The following GABBR2 variants were observed in gnomAD, a reference collection of about 807,000 sequenced individuals.
GABBR2 encodes the protein gamma-aminobutyric acid type B receptor subunit 2.
Under a neutral mutation model 105.6 loss-of-function variants are expected in GABBR2, and 23 were observed. The ratio of observed to expected loss-of-function variants is 0.22; its 90% CI spans 0.16 to 0.31. The LOEUF (loss-of-function observed/expected upper bound fraction) is 0.31, where lower values mean the gene tolerates loss of function less well. Among genes scored for constraint, GABBR2 ranks in the 10% least tolerant of loss-of-function variants. GABBR2 has a pLI of 1.00. For synonymous variants in GABBR2, 478 were observed against 499.7 expected, an observed-to-expected ratio of 0.96 and a Z score of 0.58; for missense variants, 734 against 1,245.5, an observed-to-expected ratio of 0.59 and a Z score of 6.18.
intron 3 of GABBR2, among the ~76,000 whole-genome samples, chr9:98,528,572 C>T (rs1178793560): frequency 6.6e-6 from 1 of 151,924 alleles, no homozygotes; most frequent in Non-Finnish European, 1.5e-5. Flanking sequence ...TGACAAAAGG[C>T]TGATCTGATA....
At chr9:98,365,020 T>C (rs1476630262) in intron 12 of GABBR2, among the ~76,000 whole-genome samples, 6 of 152,212 alleles carry the variant, frequency 3.9e-5, no homozygotes, top group Non-Finnish European at 2.9e-5. Context: ...TCTGCATTTC[T>C]CATTTGTAAA....
chr9:98,703,482 A>T (rs893455865), intron 1 of GABBR2, among the ~76,000 whole-genome samples: 1 of 152,138 alleles, frequency 6.6e-6, no homozygotes, highest in African/African-American at 2.4e-5. Flanking sequence ...TCTTTTTAAA[A>T]TTTTTAAATT....
intron 7 of GABBR2, among the ~76,000 whole-genome samples, chr9:98,441,329 T>C (rs1826027684): frequency 6.6e-6 from 1 of 151,948 alleles, no homozygotes; most frequent in East Asian, 1.9e-4. Flanking sequence ...AAATAACCCA[T>C]TTAATAAAAA....
intron 7 of GABBR2, among the ~76,000 whole-genome samples, chr9:98,435,911 C>A (rs77594428): frequency 1.3e-5 from 2 of 152,002 alleles, no homozygotes; most frequent in Admixed American, 6.5e-5. Flanking sequence ...ACGTTATGGG[C>A]ACCCCTGTAA....
rs375005954 is a variant in GABBR2 at position 98,659,573 on chromosome 9, G to A, written c.321+48844C>T. Among the ~76,000 whole-genome samples, 36 of 127,292 alleles carry A rather than the reference G, an allele frequency of 2.8e-4. 2 individuals are homozygous for A. The South Asian group carries it at 8.5e-3, about 30-fold the overall frequency. 83.5% of individuals were successfully genotyped at this position (127,292 alleles called of 152,430 possible). ...GTCTTGCTCTATTGCCCAGGCTGGA[G>A]TGCAGTGGCACGATCTCAGCTCACT... On this transcript the variant is annotated intron_variant, in intron 1 of 18. Coordinates refer to ENST00000259455, the MANE Select transcript of GABBR2 (RefSeq NM_005458.8).
chr9:98,531,575 G>A (rs1388275195), intron 3 of GABBR2, among the ~76,000 whole-genome samples: 2 of 152,256 alleles, frequency 1.3e-5, no homozygotes, highest in Non-Finnish European at 2.9e-5. Flanking sequence ...ACTAGAAACT[G>A]GAGCCCCTGA....
intron 3 of GABBR2, among the ~76,000 whole-genome samples, chr9:98,527,662 C>A (rs939674253): frequency 6.6e-6 from 1 of 151,954 alleles, no homozygotes; most frequent in East Asian, 1.9e-4. Flanking sequence ...ATGGAAAGGA[C>A]CTGTATGAAG....
At chr9:98,618,349 C>T (rs760513988) in intron 1 of GABBR2, among the ~76,000 whole-genome samples, 28 of 152,006 alleles carry the variant, frequency 1.8e-4, no homozygotes, top group African/African-American at 6.0e-4. Flanking sequence ...GGGGTTTGTG[C>T]GCGGTATTTA....
At chr9:98,324,493 G>GACACACACACACACACAC (rs3983548) in intron 13 of GABBR2, among the ~76,000 whole-genome samples, 6 of 143,378 alleles carry the variant, frequency 4.2e-5, no homozygotes, top group Admixed American at 4.1e-4. Flanking sequence ...CTACAGAGCC[G>GACACACACACACACACAC]ACACACACAC....
At chr9:98,328,282 A>G (rs2131386359) in intron 13 of GABBR2, among the ~76,000 whole-genome samples, 1 of 152,204 alleles carries the variant, frequency 6.6e-6, no homozygotes, top group East Asian at 1.9e-4. Context: ...CGTGGAGAGA[A>G]AACAAGGATT....
chr9:98,346,203 C>A (rs181299309), intron 13 of GABBR2, among the ~76,000 whole-genome samples: 1 of 152,212 alleles, frequency 6.6e-6, no homozygotes, highest in Admixed American at 6.5e-5. Context: ...TTCTTTGTAT[C>A]ATGCAATGCT....
chr9:98,317,477 A>G (rs1218796016), intron 13 of GABBR2, among the ~76,000 whole-genome samples: 1 of 152,220 alleles, frequency 6.6e-6, no homozygotes, highest in Non-Finnish European at 1.5e-5. Context: ...GAGGCCTGAA[A>G]GGTCAAAAGC....
At chr9:98,589,641 A>G (rs1239900393) in intron 1 of GABBR2, among the ~76,000 whole-genome samples, 1 of 152,194 alleles carries the variant, frequency 6.6e-6, no homozygotes, top group East Asian at 1.9e-4. Context: ...CTATCATTCA[A>G]GACACTTACG....
chr9:98,352,624 C>G (rs776197276), intron 13 of GABBR2, among the ~76,000 whole-genome samples: 26 of 152,062 alleles, frequency 1.7e-4, no homozygotes, highest in Non-Finnish European at 3.2e-4. Context: ...GACTGGTCCT[C>G]AAGATCCCTG....
chr9:98,378,291 G>T (rs951112242), intron 11 of GABBR2, among the ~76,000 whole-genome samples: 5 of 152,070 alleles, frequency 3.3e-5, no homozygotes, highest in African/African-American at 1.2e-4. Context: ...CCCCACCCCT[G>T]CCTAGCTGCC....
intron 1 of GABBR2, among the ~76,000 whole-genome samples, chr9:98,589,070 C>T (rs1194692615): frequency 1.3e-5 from 2 of 152,186 alleles, no homozygotes; most frequent in Admixed American, 6.5e-5. Flanking sequence ...CAGACCCCAC[C>T]AACCATGGAC....
At chr9:98,346,323 A>G (rs569428584) in intron 13 of GABBR2, among the ~76,000 whole-genome samples, 1 of 152,348 alleles carries the variant, frequency 6.6e-6, no homozygotes, top group East Asian at 1.9e-4. Flanking sequence ...CTTTGTTGTC[A>G]TTTCAACAAT....
intron 3 of GABBR2, among the ~76,000 whole-genome samples, chr9:98,512,521 C>T (rs1827667391): frequency 6.6e-6 from 1 of 152,116 alleles, no homozygotes; most frequent in Non-Finnish European, 1.5e-5. Flanking sequence ...ATCGTCTCAG[C>T]CCAAAATCTC....
At chr9:98,612,744 G>T (rs187622847) in intron 1 of GABBR2, among the ~76,000 whole-genome samples, 29 of 152,300 alleles carry the variant, frequency 1.9e-4, no homozygotes, top group Admixed American at 1.1e-3. Context: ...CCACAACATG[G>T]TAAGTGGAGA....
Sources: allele counts gnomAD v4.1 joint callset (sites outside exome capture counted in the v4.1 genomes callset), GRCh38; gene constraint gnomAD v4.1.1; transcripts MANE v1.5; gene names NCBI Gene and HGNC (gene_info 2026-07-23, HGNC 2026-07-21).